Variants in ITGAE observed in about 807,000 individuals in gnomAD.
ITGAE encodes the protein integrin subunit alpha E, also known as integrin alpha-E.
ITGAE carries 99 observed loss-of-function variants against 136.5 expected under a neutral mutation model. That is an observed-to-expected ratio of 0.73 (90% CI 0.62 to 0.86). The LOEUF is 0.86. ITGAE is among the 40% of genes least tolerant of loss of function. ITGAE has a pLI of 0.00. For missense variants in ITGAE, 1,447 were observed against 1,515.3 expected, an observed-to-expected ratio of 0.95 and a Z score of 0.75; for synonymous variants, 613 against 591.8, an observed-to-expected ratio of 1.04 and a Z score of -0.52.
At position 3,792,774 on chromosome 17, in the gene ITGAE, T is replaced by C. The variant is rs557525576; in HGVS notation, c.34+8337A>G. On this transcript the variant is annotated intron_variant, in intron 1 of 30. Coordinates refer to ENST00000263087, the MANE Select transcript of ITGAE (RefSeq NM_002208.5). ...GAATGAAGCTTTCTTGAAGGTGATA[T>C]CAACATGAAAAAGATCAGTTAATGC... is the stretch of plus-strand genomic sequence containing the variant. 2.6e-5 allele frequency among the ~76,000 whole-genome samples: 4 copies of C among 152,320 alleles called. No individual in the cohort carries two copies. The South Asian group carries it at 8.3e-4, about 32-fold the overall frequency.
At chr17:3,752,419 T>C (rs1194463997) in intron 14 of ITGAE, among the ~76,000 whole-genome samples, 1 of 152,110 alleles carries the variant, frequency 6.6e-6, no homozygotes, top group Non-Finnish European at 1.5e-5. Context: ...GAGAAACAAG[T>C]GAGATCCTGG....
At chr17:3,725,643 C>T (rs1379469512) in intron 26 of ITGAE, 1 of 1,605,292 alleles carries the variant, frequency 6.2e-7, no homozygotes, top group Non-Finnish European at 8.5e-7. Context: ...GGGATCTTAC[C>T]CTCCCTTGCT....
At chr17:3,787,681 T>C (rs978828592) in intron 1 of ITGAE, among the ~76,000 whole-genome samples, 2 of 151,440 alleles carry the variant, frequency 1.3e-5, no homozygotes, top group Admixed American at 6.6e-5. Context: ...TACTGACAAA[T>C]GGTTTTCTCT....
chr17:3,767,024 C>CGG (rs2143179439), intron 2 of ITGAE, among the ~76,000 whole-genome samples: 1 of 151,876 alleles, frequency 6.6e-6, no homozygotes, highest in African/African-American at 2.4e-5. Context: ...ATCCTCACTT[C>CGG]GTCGTGTTTT....
intron 16 of ITGAE, among the ~76,000 whole-genome samples, chr17:3,748,806 CAGCATGCCTGGA>C (rs2051785723): frequency 6.6e-6 from 1 of 151,994 alleles, no homozygotes; most frequent in African/African-American, 2.4e-5. Flanking sequence ...GCACAAAGGT[CAGCATGCCTGGA>C]ATCTAATTAG....
chr17:3,769,272 C>T (rs1203548840), intron 2 of ITGAE, among the ~76,000 whole-genome samples: 1 of 152,218 alleles, frequency 6.6e-6, no homozygotes, highest in Non-Finnish European at 1.5e-5. Context: ...CTCAGGAAGC[C>T]TTCCCAAAGG....
intron 1 of ITGAE, among the ~76,000 whole-genome samples, chr17:3,800,374 T>C (rs1427139158): frequency 6.7e-6 from 1 of 149,842 alleles, no homozygotes; most frequent in East Asian, 1.9e-4. Flanking sequence ...AGGAGACCCA[T>C]GGGAAGTCTG....
Position 3,734,959 on chromosome 17 carries a change from G to T in ITGAE, c.2523-10C>A, listed in dbSNP as rs1444290989. The T allele has an allele frequency of 7.4e-6, 12 of 1,613,842 alleles. No individual in the cohort carries two copies. The highest frequency in any genetic ancestry group is 1.1e-5 in the South Asian group (1 of 91,082). On this transcript the variant is annotated splice_polypyrimidine_tract_variant and intron_variant, in intron 20 of 30. Coordinates refer to ENST00000263087, the MANE Select transcript of ITGAE (RefSeq NM_002208.5). ...CACCACCAACTCCTGCCTGCACAGG[G>T]TACAGATAAAAATGTTACAGTTTAT...
Position 3,799,989 on chromosome 17 carries a change from G to C in ITGAE, c.34+1122C>G, listed in dbSNP as rs531936589. Among the ~76,000 whole-genome samples the C allele has an allele frequency of 5.3e-5, 8 of 152,248 alleles. No homozygotes were observed. The highest frequency in any genetic ancestry group is 2.1e-4 in the South Asian group (1 of 4,812). ...CAAAAATTAGCCAGGCGTGGTGGCA[G>C]GCGCCTGTAATCCCAGCTACTCGGG... is the stretch of plus-strand genomic sequence containing the variant. On this transcript the variant is annotated intron_variant, in intron 1 of 30. Coordinates refer to ENST00000263087, the MANE Select transcript of ITGAE (RefSeq NM_002208.5). The surrounding 1 kb of genome is among the most constrained non-coding windows in gnomAD (Gnocchi z 4.1).
chr17:3,760,238 T>C lies in ITGAE; in HGVS notation c.648A>G (p.Pro216=), dbSNP rs1289995766. Residue 216 remains proline (P), a synonymous_variant, in exon 7 of 31, where the codon CCA becomes CCG. Coordinates refer to ENST00000263087, the MANE Select transcript of ITGAE (RefSeq NM_002208.5). Reference sequence around the variant, plus strand: ...TGAAGTCTTTGGCTCTCTGAAAGTCTGGGGGATCAATGCTTCCTGAGCCAT... The same window carrying C: ...TGAAGTCTTTGGCTCTCTGAAAGTCCGGGGGATCAATGCTTCCTGAGCCAT... ...ILDGSGSIDP[P]DFQRAKDFIS... The C allele has an allele frequency of 6.2e-7, 1 of 1,613,904 alleles. No individual in the cohort carries two copies. Among genetic ancestry groups the C allele is most frequent in the Non-Finnish European group, 8.5e-7 (1 of 1,179,974 alleles).
intron 1 of ITGAE, among the ~76,000 whole-genome samples, chr17:3,784,543 C>T (rs1174115967): frequency 1.1e-4 from 17 of 151,674 alleles, no homozygotes; most frequent in Admixed American, 5.9e-4. Context: ...TACAGGCACG[C>T]GCCACCATGC....
At chr17:3,748,885 C>T (rs1031798675) in intron 16 of ITGAE, among the ~76,000 whole-genome samples, 3 of 152,184 alleles carry the variant, frequency 2.0e-5, no homozygotes, top group East Asian at 1.9e-4. Context: ...GGCCAGGCCA[C>T]GAAGAGCCCT....
At chr17:3,724,873 A>C in intron 26 of ITGAE, 1 of 1,613,984 alleles carries the variant, frequency 6.2e-7, no homozygotes, top group South Asian at 1.1e-5. Flanking sequence ...CGGAGAGAGC[A>C]TCAGGAGGCC....
chr17:3,796,293 C>T (rs1474377198), intron 1 of ITGAE, among the ~76,000 whole-genome samples: 3 of 152,008 alleles, frequency 2.0e-5, no homozygotes, highest in Non-Finnish European at 4.4e-5. Context: ...CTGGACTCGC[C>T]CCAGGCCCAA....
intron 26 of ITGAE, chr17:3,725,894 G>T: frequency 6.2e-7 from 1 of 1,612,650 alleles, no homozygotes; most frequent in East Asian, 2.2e-5. Context: ...TACACTGGGG[G>T]AACGTGCTCT....
At chr17:3,716,896 AC>A (rs2050954597) in intron 29 of ITGAE, 98 bp from the exon 30 acceptor site, 1 of 697,806 alleles carries the variant, frequency 1.4e-6, no homozygotes, top group East Asian at 2.6e-5. Flanking sequence ...GGACTTGGCA[AC>A]AACCCGTGTA....
intron 2 of ITGAE, among the ~76,000 whole-genome samples, chr17:3,772,616 A>T (rs978039769): frequency 6.6e-6 from 1 of 152,066 alleles, no homozygotes; most frequent in Non-Finnish European, 1.5e-5. Context: ...GGTGCGCGCC[A>T]CCACGCCCAG....
rs749114362 is a variant in ITGAE at position 3,795,910 on chromosome 17, CGCATCCGTGTGTGT to C, written c.34+5187_34+5200del. Among the ~76,000 whole-genome samples, 701 of 121,262 alleles carry C rather than the reference CGCATCCGTGTGTGT, an allele frequency of 5.8e-3. 6 individuals are homozygous for C. Among genetic ancestry groups the C allele is most frequent in the African/African-American group, 0.016 (487 of 30,544 alleles). The allele number at this position is 121,262 out of a possible 152,430, so 79.6% of individuals were successfully genotyped here. On this transcript the variant is annotated intron_variant, in intron 1 of 30. Transcript: ENST00000263087. ...ATCCGTGTGTGTGCATCTGTGTATG[CGCATCCGTGTGTGT>C]GCATCCGTGTGTGTGCATCCGTGTG...
intron 28 of ITGAE, among the ~76,000 whole-genome samples, chr17:3,722,958 C>G (rs764165508): frequency 1.3e-5 from 2 of 152,176 alleles, no homozygotes; most frequent in African/African-American, 2.4e-5. Flanking sequence ...GAAAGGGTAG[C>G]TTGAATTACA....
Sources: allele counts gnomAD v4.1 joint callset (sites outside exome capture counted in the v4.1 genomes callset), GRCh38; gene constraint gnomAD v4.1.1; non-coding constraint Gnocchi (gnomAD v3.1); transcripts MANE v1.5; gene names NCBI Gene and HGNC (gene_info 2026-07-23, HGNC 2026-07-21).